The following GRIK2 variants were observed in gnomAD, a reference collection of about 807,000 sequenced individuals.
GRIK2 encodes glutamate ionotropic receptor kainate type subunit 2.
GRIK2 carries 32 observed loss-of-function variants against 100.3 expected under a neutral mutation model. That is an observed-to-expected ratio of 0.32 (90% confidence interval 0.24 to 0.43). The LOEUF is 0.43. Among genes scored for constraint, GRIK2 ranks in the 20% least tolerant of loss-of-function variants. GRIK2 has a pLI of 1.00. For synonymous variants in GRIK2, 417 were observed against 389.4 expected, an observed-to-expected ratio of 1.07 and a Z score of -0.83; for missense variants, 843 against 1,114.9, an observed-to-expected ratio of 0.76 and a Z score of 3.47.
chr6:101,666,560 TTAGA>T (rs1356820606), intron 4 of GRIK2, among the ~76,000 whole-genome samples: 8 of 152,332 alleles, frequency 5.3e-5, no homozygotes, highest in Non-Finnish European at 1.2e-4. Flanking sequence ...AGCACTCTTG[TTAGA>T]TAGGACATGG....
At chr6:101,540,278 A>G (rs1775920990) in intron 2 of GRIK2, among the ~76,000 whole-genome samples, 1 of 152,054 alleles carries the variant, frequency 6.6e-6, no homozygotes, top group South Asian at 2.1e-4. Context: ...AGGACATGGC[A>G]AAGAACATAA....
intron 7 of GRIK2, among the ~76,000 whole-genome samples, chr6:101,710,682 T>C (rs1004877407): frequency 1.3e-5 from 2 of 151,822 alleles, no homozygotes; most frequent in South Asian, 2.1e-4. Context: ...GCTCATCCAC[T>C]GTTTCAATCC....
At chr6:101,452,689 T>G (rs567855624) in intron 2 of GRIK2, among the ~76,000 whole-genome samples, 5 of 151,766 alleles carry the variant, frequency 3.3e-5, no homozygotes, top group African/African-American at 1.2e-4. Flanking sequence ...TAATGCAAAG[T>G]CTGTTTTTAT....
chr6:101,858,611 G>A (rs1784568563), intron 10 of GRIK2, among the ~76,000 whole-genome samples: 1 of 151,718 alleles, frequency 6.6e-6, no homozygotes, highest in African/African-American at 2.4e-5. Context: ...GGATGGTCTT[G>A]ATCTCCTGAC....
At chr6:101,410,446 A>G (rs1004403251) in intron 2 of GRIK2, among the ~76,000 whole-genome samples, 23 of 152,088 alleles carry the variant, frequency 1.5e-4, no homozygotes, top group African/African-American at 5.3e-4. Flanking sequence ...TTTTTAAGGT[A>G]GAACAGATTT....
intron 1 of GRIK2, among the ~76,000 whole-genome samples, chr6:101,398,512 T>G (rs1382668726): frequency 6.6e-6 from 1 of 152,230 alleles, no homozygotes; most frequent in Non-Finnish European, 1.5e-5. Flanking sequence ...AACCACAAGT[T>G]AGATTTGCAG....
intron 10 of GRIK2, among the ~76,000 whole-genome samples, chr6:101,830,810 T>C (rs2128427893): frequency 6.6e-6 from 1 of 152,084 alleles, no homozygotes; most frequent in African/African-American, 2.4e-5. Context: ...AATTTGGAGA[T>C]TTCTCAAAGA....
chr6:101,563,269 A>G (rs954167744), intron 2 of GRIK2, among the ~76,000 whole-genome samples: 1 of 152,208 alleles, frequency 6.6e-6, no homozygotes, highest in Non-Finnish European at 1.5e-5. Flanking sequence ...GTATCTTATA[A>G]TGATAAATTA....
intron 14 of GRIK2, among the ~76,000 whole-genome samples, chr6:102,007,856 A>T (rs1490246117): frequency 6.6e-6 from 1 of 152,076 alleles, no homozygotes; most frequent in African/African-American, 2.4e-5. Context: ...CCTTAGGGGA[A>T]TACCTCTATC....
intron 2 of GRIK2, among the ~76,000 whole-genome samples, chr6:101,411,826 C>T (rs1022145034): frequency 1.3e-5 from 2 of 152,070 alleles, no homozygotes; most frequent in African/African-American, 4.8e-5. Context: ...CCAAAGGGAT[C>T]TTAAACAGGT....
intron 14 of GRIK2, 126 bp from the exon 15 acceptor site, chr6:102,035,215 T>A: frequency 3.6e-6 from 1 of 281,678 alleles, no homozygotes; most frequent in South Asian, 7.4e-5. Context: ...ATATATATAT[T>A]CCTTAAAAAT....
chr6:101,622,500 G>A (rs1582842690), intron 3 of GRIK2, among the ~76,000 whole-genome samples: 1 of 151,888 alleles, frequency 6.6e-6, no homozygotes, highest in South Asian at 2.1e-4. Context: ...TATTACTGTG[G>A]TCTCAATTGA....
Position 102,068,683 on chromosome 6 carries a change from A to T in GRIK2, c.*172A>T. 5.2e-6 allele frequency: 3 copies of T among 577,800 alleles called. No individual in the cohort carries two copies. Among genetic ancestry groups the T allele is most frequent in the Non-Finnish European group, 6.1e-6 (2 of 328,644 alleles). 35.8% of individuals were successfully genotyped at this position (577,800 alleles called of 1,614,324 possible). ...TAAGCAGTTGCAATGATCAGACTTG[A>T]TTTACAAGCATCATGGATCAACCAA... On this transcript the variant is annotated 3_prime_UTR_variant, in exon 17 of 17. Coordinates refer to ENST00000369134, the MANE Select transcript of GRIK2 (RefSeq NM_021956.5).
At chr6:101,668,423 G>C (rs931782092) in intron 4 of GRIK2, among the ~76,000 whole-genome samples, 1 of 152,076 alleles carries the variant, frequency 6.6e-6, no homozygotes, top group Non-Finnish European at 1.5e-5. Context: ...TTACAGCATT[G>C]CCACACATTA....
intron 2 of GRIK2, among the ~76,000 whole-genome samples, chr6:101,531,655 T>C (rs1019909600): frequency 6.6e-6 from 1 of 151,898 alleles, no homozygotes; most frequent in East Asian, 1.9e-4. Context: ...AATGGCATTA[T>C]GAATAGTTCC....
chr6:101,555,537 G>T (rs1776693350), intron 2 of GRIK2, among the ~76,000 whole-genome samples: 1 of 151,990 alleles, frequency 6.6e-6, no homozygotes, highest in Non-Finnish European at 1.5e-5. Flanking sequence ...TCAGGAAAAA[G>T]GCACATATAG....
At chr6:101,902,081 G>T (rs750098588) in intron 12 of GRIK2, among the ~76,000 whole-genome samples, 2 of 151,720 alleles carry the variant, frequency 1.3e-5, no homozygotes, top group Non-Finnish European at 2.9e-5. Context: ...TTTAATAATT[G>T]GCTATGGCAG....
At chr6:101,958,284 G>GTGTGTGTGTGTGTGTGT (rs758541113) in intron 14 of GRIK2, among the ~76,000 whole-genome samples, 541 of 18,856 alleles carry the variant, frequency 0.029, 2 homozygotes, top group East Asian at 0.054. Flanking sequence ...TGTGTGTGTG[G>GTGTGTGTGTGTGTGTGT]GTCCATTGCA....
At chr6:101,636,885 T>C (rs1285675134) in intron 4 of GRIK2, among the ~76,000 whole-genome samples, 3 of 152,162 alleles carry the variant, frequency 2.0e-5, no homozygotes, top group Non-Finnish European at 4.4e-5. Flanking sequence ...TCCTGCCCCC[T>C]ACAGCCTTTC....
Sources: gnomAD v4.1 joint callset for allele counts (sites outside exome capture counted in the v4.1 genomes callset) on GRCh38, gnomAD v4.1.1 for gene constraint, MANE v1.5 for transcripts, NCBI Gene and HGNC (gene_info 2026-07-23, HGNC 2026-07-21) for gene names.